The following PTPRN2 variants were observed in gnomAD, a reference collection of about 807,000 sequenced individuals.
PTPRN2 encodes protein tyrosine phosphatase receptor type N2.
In PTPRN2, 74 loss-of-function variants were observed where a neutral mutation model predicts 118.8. The observed-to-expected ratio is 0.62, with a 90% confidence interval of 0.52 to 0.76. The LOEUF is 0.76. PTPRN2 is among the 30% of genes least tolerant of loss of function. PTPRN2 has a pLI of 0.00. For synonymous variants in PTPRN2, 641 were observed against 608.0 expected, an observed-to-expected ratio of 1.05 and a Z score of -0.80; for missense variants, 1,481 against 1,394.4, an observed-to-expected ratio of 1.06 and a Z score of -0.99.
chr7:158,257,035 C>T (rs74863169), intron 3 of PTPRN2, among the ~76,000 whole-genome samples: 6,366 of 152,240 alleles, frequency 0.042, 175 homozygotes, highest in East Asian at 0.11. Flanking sequence ...CATGAGACAA[C>T]CTGCTAAGGC....
chr7:157,992,717 ACCAGGAGCCC>A (rs1804341710), intron 11 of PTPRN2, among the ~76,000 whole-genome samples: 1 of 152,220 alleles, frequency 6.6e-6, no homozygotes, highest in African/African-American at 2.4e-5. Flanking sequence ...GTCACACTCC[ACCAGGAGCCC>A]CCAGGCACCG....
chr7:157,747,283 G>T (rs1585364600), intron 12 of PTPRN2, among the ~76,000 whole-genome samples: 1 of 135,376 alleles, frequency 7.4e-6, no homozygotes, highest in Admixed American at 7.5e-5. Context: ...GTGATTCTGA[G>T]GCCTGCGTCT....
rs958921486 is a variant in PTPRN2, at chr7:157,784,139, CT to C, written c.1789-101203del. On this transcript the variant is annotated intron_variant, in intron 12 of 22. Transcript: ENST00000389418. The surrounding 1 kb of genome is among the most constrained non-coding windows in gnomAD (Gnocchi z 4.6). The stretch of plus-strand genomic sequence containing the variant: ...TGCTTCCAGGGACTATTCCTAAATT[CT>C]GCTTGTGGGCAGGGCACAGGCAGCT... 2.6e-5 allele frequency among the ~76,000 whole-genome samples: 4 copies of C among 152,152 alleles called. No individual in the cohort carries two copies. The highest frequency in any genetic ancestry group is 9.6e-5 in the African/African-American group (4 of 41,458).
intron 11 of PTPRN2, among the ~76,000 whole-genome samples, chr7:158,080,520 A>G (rs1334931442): frequency 1.4e-5 from 2 of 147,868 alleles, no homozygotes; most frequent in Non-Finnish European, 3.0e-5. Flanking sequence ...TGCTTCCTGT[A>G]TTTTTCTTAC....
intron 3 of PTPRN2, among the ~76,000 whole-genome samples, chr7:158,222,925 C>T (rs1286531093): frequency 6.6e-6 from 1 of 151,578 alleles, no homozygotes; most frequent in African/African-American, 2.4e-5. Context: ...GTAAAATTGA[C>T]AAATCTCTAT....
At chr7:157,911,843 G>GTGTA (rs1563232456) in intron 11 of PTPRN2, among the ~76,000 whole-genome samples, 1 of 151,910 alleles carries the variant, frequency 6.6e-6, no homozygotes, top group Non-Finnish European at 1.5e-5. Flanking sequence ...TACACGTTCT[G>GTGTA]TGATGTGCCT....
chr7:157,581,022 C>A (rs539108610), intron 17 of PTPRN2, among the ~76,000 whole-genome samples: 1 of 141,030 alleles, frequency 7.1e-6, no homozygotes, highest in African/African-American at 2.7e-5. Flanking sequence ...CTGCACACCC[C>A]AGCACCTGCA....
chr7:158,199,504 C>G (rs779726021), intron 4 of PTPRN2, among the ~76,000 whole-genome samples: 46 of 152,300 alleles, frequency 3.0e-4, no homozygotes, highest in Admixed American at 5.9e-4. Context: ...AGACTTCATT[C>G]TAATGTCGCC....
chr7:158,459,818 C>A (rs1158730932), intron 2 of PTPRN2, among the ~76,000 whole-genome samples: 2 of 141,498 alleles, frequency 1.4e-5, no homozygotes, highest in African/African-American at 5.2e-5. Flanking sequence ...GTACCGTGAG[C>A]ACAGGAGGGT....
intron 5 of PTPRN2, among the ~76,000 whole-genome samples, chr7:158,190,641 C>G (rs1041903149): frequency 1.3e-5 from 2 of 152,198 alleles, no homozygotes; most frequent in Admixed American, 6.5e-5. Flanking sequence ...CCACCCTCCA[C>G]CATGAGGGGT....
intron 2 of PTPRN2, among the ~76,000 whole-genome samples, chr7:158,347,806 G>C (rs1206957464): frequency 6.6e-6 from 1 of 152,318 alleles, no homozygotes; most frequent in East Asian, 1.9e-4. Context: ...TCAGTGTACA[G>C]GTCTCACCGT....
chr7:158,453,987 C>T (rs561903779), intron 2 of PTPRN2, among the ~76,000 whole-genome samples: 27 of 128,406 alleles, frequency 2.1e-4, no homozygotes, highest in African/African-American at 8.0e-4. Context: ...CTATGGAGGA[C>T]AGACAAGACA....
At position 158,341,844 on chromosome 7, in the gene PTPRN2, A is replaced by C. The variant is rs1806889225; in HGVS notation, c.164-24912T>G. On this transcript the variant is annotated intron_variant, in intron 2 of 22. Coordinates refer to ENST00000389418, the MANE Select transcript of PTPRN2 (RefSeq NM_002847.5). ...ACCAGCAGACGTCACTCACACCCAC[A>C]CTCTCACCATAAGAGTGTGCCCCGC... is the stretch of plus-strand genomic sequence containing the variant. Among the ~76,000 whole-genome samples the C allele has an allele frequency of 6.4e-5, 3 of 46,762 alleles. 1 individual carries two copies. Among genetic ancestry groups the C allele is most frequent in the Admixed American group, 4.5e-4 (2 of 4,470 alleles). 30.7% of individuals were successfully genotyped at this position (46,762 alleles called of 152,430 possible). A position where few individuals can be genotyped will look rare whatever the true frequency, so the allele number is the denominator to read the frequency against.
intron 5 of PTPRN2, among the ~76,000 whole-genome samples, chr7:158,171,703 G>A (rs919141387): frequency 6.6e-6 from 1 of 152,060 alleles, no homozygotes; most frequent in East Asian, 1.9e-4. Flanking sequence ...CAACTGAGGA[G>A]AAACTATCCA....
intron 12 of PTPRN2, among the ~76,000 whole-genome samples, chr7:157,745,337 A>G (rs2150969494): frequency 6.6e-6 from 1 of 151,344 alleles, no homozygotes; most frequent in South Asian, 2.1e-4. Context: ...CCACCCTCTC[A>G]CTGTAAACAT....
At chr7:157,691,880 C>T (rs1797518270) in intron 12 of PTPRN2, among the ~76,000 whole-genome samples, 1 of 152,170 alleles carries the variant, frequency 6.6e-6, no homozygotes, top group African/African-American at 2.4e-5. Flanking sequence ...GCCTCCCGCC[C>T]ATGCTCTCTC....
chr7:157,561,428 C>T (rs1308813031), intron 21 of PTPRN2, among the ~76,000 whole-genome samples: 1 of 152,242 alleles, frequency 6.6e-6, no homozygotes, highest in East Asian at 1.9e-4. Flanking sequence ...AGGAACTCCC[C>T]AGCGAAGCTG....
chr7:157,669,634 A>C (rs981986223), intron 13 of PTPRN2: 1 of 414,464 alleles, frequency 2.4e-6, no homozygotes, highest in East Asian at 7.1e-5. Context: ...ATATGGAGTG[A>C]GTTCTTCCCA....
intron 2 of PTPRN2, among the ~76,000 whole-genome samples, chr7:158,413,143 C>T (rs1305496215): frequency 4.6e-5 from 7 of 152,250 alleles, no homozygotes; most frequent in Non-Finnish European, 8.8e-5. Flanking sequence ...CCAGCGCCCT[C>T]CTCAACATGG....
Sources: gnomAD v4.1 joint callset for allele counts (sites outside exome capture counted in the v4.1 genomes callset) on GRCh38, gnomAD v4.1.1 for gene constraint, Gnocchi (gnomAD v3.1) non-coding constraint, MANE v1.5 for transcripts, NCBI Gene and HGNC (gene_info 2026-07-23, HGNC 2026-07-21) for gene names.